Variants in INPP4A observed in about 807,000 individuals in gnomAD.
INPP4A encodes the protein inositol polyphosphate-4-phosphatase, type I, 107kD.
INPP4A carries 33 observed loss-of-function variants against 119.8 expected under a neutral mutation model. That is an observed-to-expected ratio of 0.28 (90% CI 0.21 to 0.37). INPP4A has a LOEUF of 0.37. INPP4A is among the 10% of genes least tolerant of loss of function. The pLI, the probability that INPP4A is intolerant of heterozygous loss-of-function variation, is 1.00. For missense variants in INPP4A, 956 were observed against 1,289.9 expected (o/e 0.74, Z 3.97); for synonymous variants, 496 against 500.7 (o/e 0.99, Z 0.12).
At chr2:98,476,471 A>G (rs1209108988) in intron 1 of INPP4A, among the ~76,000 whole-genome samples, 1 of 152,146 alleles carries the variant, frequency 6.6e-6, no homozygotes, top group East Asian at 1.9e-4. Context: ...TCTGGGGAAG[A>G]GCTCTCCTTC....
At chr2:98,559,298 G>A (rs1482633746) in intron 16 of INPP4A, among the ~76,000 whole-genome samples, 165 bp from the exon 17 acceptor site, 6 of 152,190 alleles carry the variant, frequency 3.9e-5, no homozygotes, top group African/African-American at 7.2e-5. Flanking sequence ...GAGTACTTTC[G>A]TGAGCCTTCT....
intron 21 of INPP4A, among the ~76,000 whole-genome samples, chr2:98,568,137 C>CT (rs1696805317): frequency 6.6e-6 from 1 of 152,200 alleles, no homozygotes; most frequent in Non-Finnish European, 1.5e-5. Context: ...GAGGGGCTGG[C>CT]AGTCAGGTGT....
intron 1 of INPP4A, among the ~76,000 whole-genome samples, chr2:98,448,413 A>C (rs574378358): frequency 6.6e-6 from 1 of 151,868 alleles, no homozygotes; most frequent in Non-Finnish European, 1.5e-5. Context: ...TTTAGTGTAC[A>C]GGTCGTATTT....
intron 11 of INPP4A, 64 bp from the exon 12 acceptor site, chr2:98,545,905 C>A: frequency 8.4e-7 from 1 of 1,183,442 alleles, no homozygotes; most frequent in Non-Finnish European, 1.2e-6. Context: ...CCATTTTCTA[C>A]TTGCAACTCG....
chr2:98,536,630 G>A (rs964075355), intron 7 of INPP4A, among the ~76,000 whole-genome samples: 3 of 152,160 alleles, frequency 2.0e-5, no homozygotes, highest in Non-Finnish European at 2.9e-5. Flanking sequence ...AAAGGGAAAC[G>A]CCCACTGTCT....
At chr2:98,505,487 G>A (rs776599328) in intron 1 of INPP4A, among the ~76,000 whole-genome samples, 9 of 152,222 alleles carry the variant, frequency 5.9e-5, no homozygotes, top group Non-Finnish European at 1.0e-4. Flanking sequence ...GTAGGAGAGA[G>A]AGGACACATG....
At chr2:98,468,128 C>T (rs533933332) in intron 1 of INPP4A, among the ~76,000 whole-genome samples, 1 of 152,246 alleles carries the variant, frequency 6.6e-6, no homozygotes, top group South Asian at 2.1e-4. Context: ...TTGTAATAAC[C>T]CTGAGTAAAT....
At chr2:98,564,558 C>A in intron 18 of INPP4A, 82 bp from the exon 19 acceptor site, 1 of 1,490,102 alleles carries the variant, frequency 6.7e-7, no homozygotes, top group Non-Finnish European at 9.2e-7. Flanking sequence ...AGGAAGGGGG[C>A]GGTGGGGGGC....
At chr2:98,507,789 C>T (rs113062169) in intron 1 of INPP4A, among the ~76,000 whole-genome samples, 2,131 of 152,228 alleles carry the variant, frequency 0.014, 19 homozygotes, top group Non-Finnish European at 0.022. Context: ...AGTCAATGGG[C>T]CAGCTCAGCC....
At chr2:98,464,993 G>A (rs1442358011) in intron 1 of INPP4A, among the ~76,000 whole-genome samples, 2 of 152,216 alleles carry the variant, frequency 1.3e-5, no homozygotes, top group African/African-American at 4.8e-5. Flanking sequence ...GGCCCAGGGA[G>A]GATGTCAGGA....
intron 21 of INPP4A, among the ~76,000 whole-genome samples, chr2:98,567,291 G>GTGGGGT (rs1696635367): frequency 6.6e-6 from 1 of 152,166 alleles, no homozygotes; most frequent in African/African-American, 2.4e-5. Context: ...TTGGTCTTCA[G>GTGGGGT]TGGGGTTGGG....
Position 98,461,865 on chromosome 2 carries a change from G to A in INPP4A, c.-166+16780G>A, listed in dbSNP as rs1053732888. 2.0e-5 allele frequency among the ~76,000 whole-genome samples: 3 copies of A among 152,188 alleles called. No individual in the cohort carries two copies. The South Asian group carries it at 6.2e-4, about 31-fold the overall frequency. On this transcript the variant is annotated intron_variant, in intron 1 of 24. Transcript: ENST00000409851. ...TGCTGGCCTGCTGCCAGGCTGTGCT[G>A]CAGATTCTTCAACCAGTGCTCTCTG...
At chr2:98,564,263 T>G (rs1696029903) in intron 18 of INPP4A, among the ~76,000 whole-genome samples, 1 of 152,132 alleles carries the variant, frequency 6.6e-6, no homozygotes, top group African/African-American at 2.4e-5. Flanking sequence ...TCACTTCTGT[T>G]TTTTGCTGGG....
At chr2:98,505,568 A>C (rs2105445141) in intron 1 of INPP4A, among the ~76,000 whole-genome samples, 1 of 152,274 alleles carries the variant, frequency 6.6e-6, no homozygotes, top group East Asian at 1.9e-4. Context: ...TTCTCAAAAC[A>C]GCTTGCACAC....
Position 98,546,778 on chromosome 2 carries a change from C to T in INPP4A, c.1163+84C>T, listed in dbSNP as rs1045800364. ...GTTTAAAATAAAATCAAAATATGAC[C>T]GCAAAAACACCCAGCCATCTGATCT... On this transcript the variant is annotated intron_variant, in intron 13 of 24. Coordinates refer to ENST00000409851, the MANE Select transcript of INPP4A (RefSeq NM_001134225.2). The surrounding 1 kb of genome is among the most constrained non-coding windows in gnomAD (Gnocchi z 4.2). The T allele has an allele frequency of 4.2e-5, 36 of 854,238 alleles. No homozygotes were observed. Among genetic ancestry groups the T allele is most frequent in the African/African-American group, 3.9e-4 (23 of 59,320 alleles). 52.9% of individuals were successfully genotyped at this position (854,238 alleles called of 1,614,324 possible).
intron 24 of INPP4A, among the ~76,000 whole-genome samples, chr2:98,584,033 T>C (rs1158823942): frequency 6.6e-6 from 1 of 152,210 alleles, no homozygotes; most frequent in East Asian, 1.9e-4. Context: ...GAGGTGGCTG[T>C]TGTGGCATAG....
At chr2:98,456,619 C>T (rs1259926943) in intron 1 of INPP4A, among the ~76,000 whole-genome samples, 4 of 152,242 alleles carry the variant, frequency 2.6e-5, no homozygotes, top group Non-Finnish European at 1.5e-5. Flanking sequence ...GATTACAGGG[C>T]ATGAGCCACT....
At chr2:98,449,372 T>C (rs1300601413) in intron 1 of INPP4A, among the ~76,000 whole-genome samples, 1 of 152,246 alleles carries the variant, frequency 6.6e-6, no homozygotes, top group Non-Finnish European at 1.5e-5. Context: ...ATCACTGGAC[T>C]CATGAATTCT....
intron 1 of INPP4A, among the ~76,000 whole-genome samples, chr2:98,507,675 G>A (rs1254217551): frequency 6.6e-6 from 1 of 152,118 alleles, no homozygotes; most frequent in African/African-American, 2.4e-5. Flanking sequence ...TTCAAGTTGG[G>A]GGCTGTCTCA....
Sources: gnomAD v4.1 joint callset for allele counts (sites outside exome capture counted in the v4.1 genomes callset) on GRCh38, gnomAD v4.1.1 for gene constraint, Gnocchi (gnomAD v3.1) non-coding constraint, MANE v1.5 for transcripts, NCBI Gene and HGNC (gene_info 2026-07-23, HGNC 2026-07-21) for gene names.